Variants in SEMA3A observed in about 807,000 individuals in gnomAD.
The protein encoded by SEMA3A is semaphorin-3A.
A neutral mutation model predicts 97.9 loss-of-function variants in SEMA3A; 29 were observed. That is an observed-to-expected ratio of 0.30 (90% CI 0.22 to 0.40). SEMA3A has a LOEUF of 0.40. Ranked by LOEUF, SEMA3A falls within the 10% of genes least tolerant of loss-of-function variation. The pLI, the probability that SEMA3A is intolerant of heterozygous loss-of-function variation, is 1.00. For synonymous variants in SEMA3A, 321 were observed against 323.7 expected (o/e 0.99, Z 0.09); for missense variants, 763 against 951.3 (o/e 0.80, Z 2.60).
At chr7:84,424,513 T>G (rs1209689699) in intron 1 of SEMA3A, among the ~76,000 whole-genome samples, 1 of 78,768 alleles carries the variant, frequency 1.3e-5, no homozygotes, top group Non-Finnish European at 2.2e-5. Flanking sequence ...TATATAAATA[T>G]TAATATATGT....
chr7:84,138,560 T>C (rs2116062007), intron 1 of SEMA3A, among the ~76,000 whole-genome samples: 1 of 152,272 alleles, frequency 6.6e-6, no homozygotes, highest in South Asian at 2.1e-4. Flanking sequence ...TGGTGGCTTA[T>C]GTATGAAATC....
intron 3 of SEMA3A, among the ~76,000 whole-genome samples, chr7:84,228,595 G>A (rs1404194038): frequency 2.0e-5 from 3 of 151,864 alleles, no homozygotes; most frequent in South Asian, 4.2e-4. Context: ...CAATTTAAAC[G>A]AATACATTTA....
At position 83,956,400 on chromosome 7, in the gene SEMA3A, TAGAATTC is replaced by T. The variant is rs1257135530; in HGVS notation, c.*4964_*4970del. 1 of 152,162 alleles carries T rather than the reference TAGAATTC, an allele frequency of 6.6e-6. No homozygotes were observed. Among genetic ancestry groups the T allele is most frequent in the Non-Finnish European group, 1.5e-5 (1 of 68,022 alleles). 9.4% of individuals were successfully genotyped at this position (152,162 alleles called of 1,614,324 possible). On this transcript the variant is annotated 3_prime_UTR_variant, in exon 17 of 17. Transcript: ENST00000265362. ...TTAGCTTCCTCTAAATATTTATTTG[TAGAATTC>T]AGAGTTTCAGCTGACCTGTGCTGGT...
chr7:84,005,954 TAAAATA>T (rs1274692423), intron 10 of SEMA3A, among the ~76,000 whole-genome samples: 2 of 151,948 alleles, frequency 1.3e-5, no homozygotes, highest in Non-Finnish European at 2.9e-5. Context: ...GTCTCAAAAA[TAAAATA>T]AAGGAAAAAA....
chr7:84,108,344 A>AG (rs1264460576), intron 4 of SEMA3A, among the ~76,000 whole-genome samples: 14 of 111,266 alleles, frequency 1.3e-4, no homozygotes, highest in Non-Finnish European at 8.7e-5. Context: ...GAGTTTCTAC[A>AG]GGGAAAAAAA....
intron 3 of SEMA3A, among the ~76,000 whole-genome samples, chr7:84,235,331 T>C (rs896165971): frequency 3.5e-4 from 54 of 152,122 alleles, no homozygotes; most frequent in African/African-American, 1.3e-3. Flanking sequence ...ATACATGACT[T>C]TATATTTAAT....
chr7:84,189,189 CTT>C (rs1367775559), intron 1 of SEMA3A, among the ~76,000 whole-genome samples: 2 of 151,850 alleles, frequency 1.3e-5, no homozygotes, highest in Non-Finnish European at 2.9e-5. Flanking sequence ...AAGTGCAAAA[CTT>C]ATTTCAATAC....
In SEMA3A at chr7:84,290,223, T is replaced by C. The variant is rs192065651; in HGVS notation, c.-83+16984A>G. Among the ~76,000 whole-genome samples the C allele has an allele frequency of 8.4e-4, 128 of 152,144 alleles. 1 individual carries two copies. The highest frequency in any genetic ancestry group is 2.8e-3 in the African/African-American group (118 of 41,522). ...CATGGCATTGTATACTTAAAATTGG[T>C]GAATTTTATGGTATGTAAATTATAC... On this transcript the variant is annotated intron_variant, in intron 3 of 3. Transcript: ENST00000424555.
At chr7:84,412,948 TCA>T (rs989059016) in intron 1 of SEMA3A, among the ~76,000 whole-genome samples, 3 of 151,422 alleles carry the variant, frequency 2.0e-5, no homozygotes, top group Admixed American at 6.6e-5. Flanking sequence ...ACACACACAC[TCA>T]CACACACACA....
Position 84,410,070 on chromosome 7 carries a change from A to T in SEMA3A, c.-245-38170T>A, listed in dbSNP as rs188735731. Among the ~76,000 whole-genome samples, 830 of 152,144 alleles carry T rather than the reference A, an allele frequency of 5.5e-3. 7 individuals are homozygous for T. The highest frequency in any genetic ancestry group is 8.4e-3 in the Non-Finnish European group (574 of 67,960). ...GATTTTAAAGAAAATTTTTCCATGG[A>T]GAAAGACAAAATTGAGTTGAAAATA... is the stretch of plus-strand genomic sequence containing the variant. On this transcript the variant is annotated intron_variant, in intron 1 of 3. Transcript: ENST00000424555.
chr7:84,030,926 T>C (rs1014392156), intron 6 of SEMA3A, among the ~76,000 whole-genome samples: 2 of 152,160 alleles, frequency 1.3e-5, no homozygotes, highest in South Asian at 2.1e-4. Flanking sequence ...GATTGTATAA[T>C]TTTATTTGGA....
chr7:84,080,414 T>TTACCATTCATATTTA (rs1178940484), intron 4 of SEMA3A, among the ~76,000 whole-genome samples: 3 of 152,066 alleles, frequency 2.0e-5, no homozygotes, highest in Non-Finnish European at 4.4e-5. Flanking sequence ...AGGCTTAAAA[T>TTACCATTCATATTTA]TACCATTCAT....
intron 1 of SEMA3A, among the ~76,000 whole-genome samples, chr7:84,417,792 A>G (rs1467633344): frequency 6.6e-6 from 1 of 152,080 alleles, no homozygotes; most frequent in Non-Finnish European, 1.5e-5. Flanking sequence ...TGGGGGTTGG[A>G]TGAGTGGATA....
chr7:84,231,183 G>A (rs1799108549), intron 3 of SEMA3A, among the ~76,000 whole-genome samples: 1 of 151,966 alleles, frequency 6.6e-6, no homozygotes, highest in Non-Finnish European at 1.5e-5. Flanking sequence ...ATACTGAAAT[G>A]TTTCATTTAC....
intron 3 of SEMA3A, among the ~76,000 whole-genome samples, chr7:84,200,701 A>G (rs1305097805): frequency 2.0e-5 from 3 of 151,998 alleles, no homozygotes; most frequent in Admixed American, 6.6e-5. Context: ...TCATCACTAC[A>G]GCTACTTTGT....
At chr7:84,322,042 C>A (rs1163173632) in intron 2 of SEMA3A, among the ~76,000 whole-genome samples, 1 of 151,704 alleles carries the variant, frequency 6.6e-6, no homozygotes, top group Non-Finnish European at 1.5e-5. Context: ...CACAGGGTGG[C>A]AGGATGGAGA....
At chr7:84,328,625 A>G (rs1386455027) in intron 2 of SEMA3A, among the ~76,000 whole-genome samples, 3 of 152,052 alleles carry the variant, frequency 2.0e-5, no homozygotes, top group South Asian at 2.1e-4. Context: ...TCGACAACCT[A>G]TGGTAAATTT....
chr7:84,209,735 T>C (rs1386509703), intron 3 of SEMA3A, among the ~76,000 whole-genome samples: 3 of 152,192 alleles, frequency 2.0e-5, no homozygotes, highest in Non-Finnish European at 2.9e-5. Context: ...TATAATACTC[T>C]GCCATTCAAA....
chr7:84,085,635 T>A (rs896879222), intron 4 of SEMA3A, among the ~76,000 whole-genome samples: 1 of 152,162 alleles, frequency 6.6e-6, no homozygotes, highest in Non-Finnish European at 1.5e-5. Context: ...ATTAGAAACA[T>A]GGAATTAATT....
Sources: allele counts gnomAD v4.1 joint callset (sites outside exome capture counted in the v4.1 genomes callset), GRCh38; gene constraint gnomAD v4.1.1; transcripts MANE v1.5; gene names NCBI Gene and HGNC (gene_info 2026-07-23, HGNC 2026-07-21).